The following WWOX variants were observed in gnomAD, a reference collection of about 807,000 sequenced individuals.
WWOX encodes WW domain-containing oxidoreductase.
A neutral mutation model predicts 46.2 loss-of-function variants in WWOX; 69 were observed. The observed-to-expected ratio is 1.49, with a 90% confidence interval of 1.23 to 1.82. WWOX has a LOEUF of 1.82. Among genes scored for constraint, WWOX ranks in the 40% most tolerant of loss-of-function variants. The pLI is 0.00. For synonymous variants in WWOX, 359 were observed against 202.6 expected, an observed-to-expected ratio of 1.77 and a Z score of -6.56; for missense variants, 919 against 542.6, an observed-to-expected ratio of 1.69 and a Z score of -6.89.
chr16:78,159,669 G>A (rs1162641117), intron 4 of WWOX, among the ~76,000 whole-genome samples: 2 of 82,808 alleles, frequency 2.4e-5, no homozygotes, highest in African/African-American at 9.5e-5. Context: ...TTTAAAATCT[G>A]TGGTTTTTTT....
chr16:78,941,494 C>T (rs1416692619), intron 8 of WWOX, among the ~76,000 whole-genome samples: 1 of 149,514 alleles, frequency 6.7e-6, no homozygotes. Context: ...AGGGTGAAAA[C>T]ATTATTGGAT....
chr16:78,112,253 G>A (rs550020467), intron 3 of WWOX, among the ~76,000 whole-genome samples: 23 of 152,288 alleles, frequency 1.5e-4, no homozygotes, highest in Admixed American at 1.3e-3. Flanking sequence ...TTTCACTGTA[G>A]TTGATTGAAC....
chr16:79,136,295 A>G (rs1460633307), intron 8 of WWOX, among the ~76,000 whole-genome samples: 2 of 151,210 alleles, frequency 1.3e-5, no homozygotes, highest in Admixed American at 6.6e-5. Flanking sequence ...CAGTGGTGCA[A>G]TCTCGGCTCA....
intron 8 of WWOX, among the ~76,000 whole-genome samples, chr16:78,934,889 C>G (rs1597172283): frequency 6.6e-6 from 1 of 152,248 alleles, no homozygotes; most frequent in Non-Finnish European, 1.5e-5. Flanking sequence ...CACTTGAGCC[C>G]AGGAGTTTGA....
chr16:78,638,859 T>C (rs1048999304), intron 8 of WWOX, among the ~76,000 whole-genome samples: 3 of 152,186 alleles, frequency 2.0e-5, no homozygotes, highest in African/African-American at 7.2e-5. Context: ...GAATTTTTTT[T>C]TTCTTCTATT....
intron 8 of WWOX, among the ~76,000 whole-genome samples, chr16:79,158,178 G>A (rs1465681729): frequency 6.6e-6 from 1 of 152,098 alleles, no homozygotes; most frequent in East Asian, 1.9e-4. Flanking sequence ...TATATATGTT[G>A]GGATTTCATA....
chr16:78,487,851 C>T (rs964321756), intron 8 of WWOX, among the ~76,000 whole-genome samples: 3 of 152,128 alleles, frequency 2.0e-5, no homozygotes, highest in Admixed American at 6.5e-5. Context: ...CCACCAATCC[C>T]CCAACACTAG....
At chr16:78,449,917 TAAAGCTTGGTAAGGCTAGCC>T (rs1417279838) in intron 8 of WWOX, among the ~76,000 whole-genome samples, 1 of 151,790 alleles carries the variant, frequency 6.6e-6, no homozygotes, top group Non-Finnish European at 1.5e-5. Flanking sequence ...TTTTAAGCCA[TAAAGCTTGGTAAGGCTAGCC>T]AATCATTTCA....
intron 8 of WWOX, among the ~76,000 whole-genome samples, chr16:78,959,406 G>C (rs928041500): frequency 6.6e-6 from 1 of 152,152 alleles, no homozygotes; most frequent in African/African-American, 2.4e-5. Context: ...GTCCATTAGG[G>C]GACATAAACA....
chr16:79,024,635 C>T (rs1178515322), intron 8 of WWOX, among the ~76,000 whole-genome samples: 1 of 152,008 alleles, frequency 6.6e-6, no homozygotes, highest in Non-Finnish European at 1.5e-5. Context: ...CGGGGTTTCA[C>T]CATGTTAGCC....
At chr16:78,699,585 A>T (rs2048169545) in intron 8 of WWOX, among the ~76,000 whole-genome samples, 1 of 152,190 alleles carries the variant, frequency 6.6e-6, no homozygotes, top group African/African-American at 2.4e-5. Context: ...GATACCACAT[A>T]CGTGAATATA....
At chr16:79,066,726 G>C (rs555367381) in intron 8 of WWOX, among the ~76,000 whole-genome samples, 1 of 152,280 alleles carries the variant, frequency 6.6e-6, no homozygotes, top group East Asian at 1.9e-4. Context: ...CCGCCTCAAG[G>C]GACCACCTGC....
intron 5 of WWOX, among the ~76,000 whole-genome samples, chr16:78,324,294 A>C (rs2080559209): frequency 6.6e-6 from 1 of 152,126 alleles, no homozygotes; most frequent in Non-Finnish European, 1.5e-5. Context: ...AGACAGCAGC[A>C]GGTGTTGCTG....
intron 8 of WWOX, among the ~76,000 whole-genome samples, chr16:78,778,301 C>G (rs144972436): frequency 6.6e-6 from 1 of 152,122 alleles, no homozygotes; most frequent in Non-Finnish European, 1.5e-5. Flanking sequence ...ACCACTGATA[C>G]GCCGCCAGCA....
At chr16:78,385,711 G>A (rs1274216118) in intron 5 of WWOX, among the ~76,000 whole-genome samples, 1 of 152,148 alleles carries the variant, frequency 6.6e-6, no homozygotes, top group Non-Finnish European at 1.5e-5. Context: ...CCCCTTCATA[G>A]CCTTACAGGT....
intron 6 of WWOX, among the ~76,000 whole-genome samples, chr16:78,391,774 G>T (rs950879112): frequency 5.3e-5 from 8 of 152,232 alleles, no homozygotes; most frequent in Non-Finnish European, 1.0e-4. Flanking sequence ...CTTGAGCTCT[G>T]GGGTGGGCAG....
intron 8 of WWOX, among the ~76,000 whole-genome samples, chr16:78,629,337 A>C (rs60192283): frequency 6.6e-6 from 1 of 152,006 alleles, no homozygotes; most frequent in African/African-American, 2.4e-5. Flanking sequence ...TGTAGGGTGA[A>C]TTCCAAATCT....
intron 8 of WWOX, among the ~76,000 whole-genome samples, chr16:78,951,702 G>A (rs541389945): frequency 3.9e-5 from 6 of 152,256 alleles, no homozygotes; most frequent in Admixed American, 2.0e-4. Flanking sequence ...ACCCAGTACC[G>A]GGGAACCAGG....
chr16:78,600,983 C>T (rs981828676), intron 8 of WWOX, among the ~76,000 whole-genome samples: 1 of 152,158 alleles, frequency 6.6e-6, no homozygotes, highest in African/African-American at 2.4e-5. Flanking sequence ...AGAGCTTCTG[C>T]CATCCCTCTG....
Sources: allele counts gnomAD v4.1 joint callset (sites outside exome capture counted in the v4.1 genomes callset), GRCh38; gene constraint gnomAD v4.1.1; transcripts MANE v1.5; gene names NCBI Gene and HGNC (gene_info 2026-07-23, HGNC 2026-07-21).